The following ZNF385B variants were observed in gnomAD, a reference collection of about 807,000 sequenced individuals.
ZNF385B encodes the protein zinc finger protein 385B.
A neutral mutation model predicts 39.2 loss-of-function variants in ZNF385B; 23 were observed. The observed-to-expected ratio is 0.59, with a 90% CI of 0.42 to 0.83. The LOEUF is 0.83. Among genes scored for constraint, ZNF385B ranks in the 40% least tolerant of loss-of-function variants. The pLI is 0.00. For missense variants in ZNF385B, 552 were observed against 598.9 expected, an observed-to-expected ratio of 0.92 and a Z score of 0.82; for synonymous variants, 205 against 222.6, an observed-to-expected ratio of 0.92 and a Z score of 0.70.
intron 3 of ZNF385B, among the ~76,000 whole-genome samples, chr2:179,545,351 A>G (rs908481018): frequency 6.6e-6 from 1 of 152,208 alleles, no homozygotes; most frequent in African/African-American, 2.4e-5. Flanking sequence ...ACTCTTTGCT[A>G]TTAAGAATTA....
intron 3 of ZNF385B, among the ~76,000 whole-genome samples, chr2:179,564,892 C>T (rs1574826364): frequency 6.6e-6 from 1 of 152,240 alleles, no homozygotes; most frequent in South Asian, 2.1e-4. Context: ...CACCTCACTC[C>T]CTAAAGGATA....
intron 3 of ZNF385B, among the ~76,000 whole-genome samples, chr2:179,626,783 T>C (rs781225418): frequency 6.6e-6 from 1 of 152,164 alleles, no homozygotes; most frequent in Non-Finnish European, 1.5e-5. Context: ...CCCTCTTTCA[T>C]GAACTGAGAC....
chr2:179,828,849 A>G (rs925626644), intron 1 of ZNF385B, among the ~76,000 whole-genome samples: 1 of 152,154 alleles, frequency 6.6e-6, no homozygotes, highest in African/African-American at 2.4e-5. Context: ...AGATCATCTC[A>G]CGTTTTTATT....
At chr2:179,599,609 A>C (rs985700432) in intron 3 of ZNF385B, among the ~76,000 whole-genome samples, 3 of 152,198 alleles carry the variant, frequency 2.0e-5, no homozygotes, top group Non-Finnish European at 4.4e-5. Context: ...ATGGCCTTCC[A>C]TGTCGATACA....
At chr2:179,525,446 GA>G (rs577915476) in intron 4 of ZNF385B, among the ~76,000 whole-genome samples, 2 of 151,102 alleles carry the variant, frequency 1.3e-5, no homozygotes, top group African/African-American at 2.4e-5. Flanking sequence ...TTTGCACACA[GA>G]AAAAAAAAGT....
intron 3 of ZNF385B, among the ~76,000 whole-genome samples, chr2:179,641,850 CTT>C (rs1466202983): frequency 6.6e-6 from 1 of 152,082 alleles, no homozygotes; most frequent in Non-Finnish European, 1.5e-5. Context: ...CAGAGGCTCT[CTT>C]GTGTCCTGAG....
intron 1 of ZNF385B, among the ~76,000 whole-genome samples, chr2:179,787,671 C>T (rs899777647): frequency 6.6e-5 from 10 of 152,144 alleles, no homozygotes; most frequent in African/African-American, 9.6e-5. Context: ...CTCGTTGAAA[C>T]GGTCTAGGCT....
Position 179,551,450 on chromosome 2 carries a change from C to T in ZNF385B, c.299-6481G>A, listed in dbSNP as rs111277359. 4.2e-3 allele frequency among the ~76,000 whole-genome samples: 643 copies of T among 152,166 alleles called. 5 individuals carry two copies. The highest frequency in any genetic ancestry group is 0.014 in the South Asian group (68 of 4,820). On this transcript the variant is annotated intron_variant, in intron 3 of 9. Transcript: ENST00000410066. ...AAAACGAAGGTGTGGGCCAAGCTGG[C>T]TAAGACTAACTGGACCCAACATGGC... is the stretch of plus-strand genomic sequence containing the variant.
At chr2:179,703,378 T>C (rs954848128) in intron 3 of ZNF385B, among the ~76,000 whole-genome samples, 3 of 152,286 alleles carry the variant, frequency 2.0e-5, no homozygotes, top group Admixed American at 2.0e-4. Flanking sequence ...AACCCCACTC[T>C]TTCAACATAC....
intron 3 of ZNF385B, among the ~76,000 whole-genome samples, chr2:179,672,103 T>C (rs1172297116): frequency 6.6e-6 from 1 of 152,218 alleles, no homozygotes; most frequent in Non-Finnish European, 1.5e-5. Flanking sequence ...TCTGCCCCAA[T>C]GTGTCCAGAA....
At chr2:179,706,024 A>G (rs532950943) in intron 3 of ZNF385B, among the ~76,000 whole-genome samples, 26 of 152,202 alleles carry the variant, frequency 1.7e-4, no homozygotes, top group Non-Finnish European at 3.1e-4. Context: ...GATGCTCCTG[A>G]AAGCAATAGG....
At chr2:179,523,354 T>G (rs1020687661) in intron 4 of ZNF385B, among the ~76,000 whole-genome samples, 1 of 146,542 alleles carries the variant, frequency 6.8e-6, no homozygotes, top group Non-Finnish European at 1.5e-5. Context: ...GTGCGTTTTT[T>G]TTTTTTTTTT....
chr2:179,743,791 A>G (rs753204823), intron 3 of ZNF385B, among the ~76,000 whole-genome samples: 1 of 152,172 alleles, frequency 6.6e-6, no homozygotes, highest in Non-Finnish European at 1.5e-5. Flanking sequence ...TTTAATATTA[A>G]TATCATTTTA....
At chr2:179,554,170 A>T (rs562771725) in intron 3 of ZNF385B, among the ~76,000 whole-genome samples, 3 of 149,202 alleles carry the variant, frequency 2.0e-5, no homozygotes, top group East Asian at 3.9e-4. Flanking sequence ...GTTACTAACT[A>T]CTCCTAATCC....
At chr2:179,696,737 G>C (rs904961970) in intron 3 of ZNF385B, among the ~76,000 whole-genome samples, 2 of 152,008 alleles carry the variant, frequency 1.3e-5, no homozygotes, top group Admixed American at 6.5e-5. Context: ...ACTATAGAAG[G>C]AAGCTATTTT....
At chr2:179,710,735 C>T (rs13393209) in intron 3 of ZNF385B, among the ~76,000 whole-genome samples, 53,263 of 151,972 alleles carry the variant, frequency 0.35, 9,839 homozygotes, top group Middle Eastern at 0.49. Context: ...CACCCATAGA[C>T]GGTGTGGTGT....
intron 5 of ZNF385B, among the ~76,000 whole-genome samples, chr2:179,506,849 G>C (rs1215783410): frequency 2.6e-5 from 4 of 152,038 alleles, no homozygotes; most frequent in Non-Finnish European, 5.9e-5. Flanking sequence ...AGATATGTTA[G>C]GTATACCACT....
chr2:179,725,986 C>T (rs1700994463), intron 3 of ZNF385B, among the ~76,000 whole-genome samples: 1 of 151,040 alleles, frequency 6.6e-6, no homozygotes, highest in African/African-American at 2.4e-5. Context: ...TACCTTCCCA[C>T]CTTATAGGAA....
chr2:179,793,309 A>T (rs1197109623), intron 1 of ZNF385B, among the ~76,000 whole-genome samples: 2 of 152,168 alleles, frequency 1.3e-5, no homozygotes, highest in Non-Finnish European at 2.9e-5. Context: ...GAGCACTACC[A>T]CTCAGCAAGG....
Sources: gnomAD v4.1 joint callset for allele counts (sites outside exome capture counted in the v4.1 genomes callset) on GRCh38, gnomAD v4.1.1 for gene constraint, MANE v1.5 for transcripts, NCBI Gene and HGNC (gene_info 2026-07-23, HGNC 2026-07-21) for gene names.